Variants in TLCD4 observed in about 807,000 individuals in gnomAD.
The protein encoded by TLCD4 is TLC domain containing 4.
A neutral mutation model predicts 24.2 loss-of-function variants in TLCD4; 7 were observed. That is an observed-to-expected ratio of 0.29 (90% confidence interval 0.16 to 0.54). The LOEUF (loss-of-function observed/expected upper bound fraction) is 0.54. TLCD4 is among the 20% of genes least tolerant of loss of function. The pLI is 0.95. For missense variants in TLCD4, 259 were observed against 313.9 expected (o/e 0.82, Z 1.32); for synonymous variants, 103 against 106.4 (o/e 0.97, Z 0.20).
Position 95,192,064 on chromosome 1 carries a change from A to C in TLCD4, c.*196A>C. 7.7e-7 allele frequency: 1 copy of C among 1,292,838 alleles called. No homozygotes were observed. Among genetic ancestry groups the C allele is most frequent in the Non-Finnish European group, 1.0e-6 (1 of 992,334 alleles). The allele number at this position is 1,292,838 out of a possible 1,614,324, so 80.1% of individuals were successfully genotyped here. ...GTAATCCCAGCACTTTGGGAGGCCA[A>C]GGTGGGTCGATCACTGAGGTCAGGA... On this transcript the variant is annotated 3_prime_UTR_variant, in exon 7 of 7. Coordinates refer to ENST00000370203, the MANE Select transcript of TLCD4 (RefSeq NM_152487.3).
intron 6 of TLCD4, among the ~76,000 whole-genome samples, chr1:95,180,916 A>C (rs901984725): frequency 6.6e-6 from 1 of 152,096 alleles, no homozygotes; most frequent in Non-Finnish European, 1.5e-5. Flanking sequence ...ATAAAATACA[A>C]TTTTTTCTTT....
At chr1:95,173,936 T>A in intron 6 of TLCD4, 47 bp downstream of exon 6, 3 of 1,611,136 alleles carry the variant, frequency 1.9e-6, no homozygotes, top group Non-Finnish European at 2.5e-6. Flanking sequence ...GCTGTTTATT[T>A]TTAGTTTGGG....
At chr1:95,186,897 A>G (rs993415926) in intron 6 of TLCD4, among the ~76,000 whole-genome samples, 4 of 151,944 alleles carry the variant, frequency 2.6e-5, no homozygotes, top group Non-Finnish European at 4.4e-5. Context: ...ATCACTCAAT[A>G]AAATATTTTC....
Position 95,192,886 on chromosome 1 carries a change from T to C in TLCD4, c.*1018T>C, listed in dbSNP as rs41309183. ...GCTTAAGACAGATTATAGACCTCCTTAAGAGATGAGTTTCTTCTTCTAAAA... is the reference window on the plus strand; with the variant it reads ...GCTTAAGACAGATTATAGACCTCCTCAAGAGATGAGTTTCTTCTTCTAAAA... On this transcript the variant is annotated 3_prime_UTR_variant, in exon 7 of 7. Transcript: ENST00000370203. 1.3e-5 allele frequency: 2 copies of C among 152,220 alleles called. No individual in the cohort carries two copies. Among genetic ancestry groups the C allele is most frequent in the Non-Finnish European group, 2.9e-5 (2 of 68,022 alleles). The allele number at this position is 152,220 out of a possible 1,614,324, so 9.4% of individuals were successfully genotyped here. A position where few individuals can be genotyped will look rare whatever the true frequency, so the allele number is the denominator to read the frequency against.
At chr1:95,188,158 C>T (rs965236377) in intron 6 of TLCD4, among the ~76,000 whole-genome samples, 6 of 151,996 alleles carry the variant, frequency 3.9e-5, no homozygotes, top group Admixed American at 6.6e-5. Context: ...GAGGCCGAGG[C>T]GGGTGGATCA....
the TLCD4 span, among the ~76,000 whole-genome samples, chr1:95,103,715 G>A: frequency 6.6e-6 from 1 of 152,178 alleles, no homozygotes; most frequent in South Asian, 2.1e-4. Flanking sequence ...GTTGAAATTC[G>A]ACAGTGGTGT....
rs186446245 is a variant in TLCD4, at chr1:95,128,151, A to G, written c.-12+10534A>G. Among the ~76,000 whole-genome samples the G allele has an allele frequency of 5.0e-3, 766 of 152,310 alleles. 3 individuals carry two copies. Among genetic ancestry groups the G allele is most frequent in the Admixed American group, 8.6e-3 (132 of 15,300 alleles). ...GAGCAACATTTGTCACGTAAATCACATGTGTACTCTGAGGCATAAGGCCTA... is the reference window on the plus strand; with the variant it reads ...GAGCAACATTTGTCACGTAAATCACGTGTGTACTCTGAGGCATAAGGCCTA... On this transcript the variant is annotated intron_variant, in intron 1 of 6. Coordinates refer to ENST00000370203, the MANE Select transcript of TLCD4 (RefSeq NM_152487.3).
At chr1:95,159,060 C>G (rs1236406330) in intron 5 of TLCD4, among the ~76,000 whole-genome samples, 1 of 152,158 alleles carries the variant, frequency 6.6e-6, no homozygotes, top group Non-Finnish European at 1.5e-5. Flanking sequence ...ATTTCTACTT[C>G]TAGATCCTTG....
chr1:95,174,409 T>A (rs1195870848), intron 6 of TLCD4, among the ~76,000 whole-genome samples: 1 of 151,056 alleles, frequency 6.6e-6, no homozygotes, highest in Non-Finnish European at 1.5e-5. Context: ...GGGGCTCACG[T>A]CTATAAATCC....
chr1:95,168,854 C>A (rs1678112856), intron 5 of TLCD4, among the ~76,000 whole-genome samples: 2 of 152,158 alleles, frequency 1.3e-5, no homozygotes, highest in African/African-American at 4.8e-5. Context: ...GAATAAGGAA[C>A]AGGAAATGTA....
At chr1:95,146,019 G>A (rs972027907) in intron 2 of TLCD4, among the ~76,000 whole-genome samples, 5 of 152,090 alleles carry the variant, frequency 3.3e-5, no homozygotes, top group Non-Finnish European at 7.4e-5. Flanking sequence ...AGGACAAGGA[G>A]GCTGTATTTT....
At chr1:95,132,083 C>T in intron 1 of TLCD4, among the ~76,000 whole-genome samples, 1 of 152,264 alleles carries the variant, frequency 6.6e-6, no homozygotes, top group East Asian at 1.9e-4. Context: ...AAAGTTTTTG[C>T]TAGAAGCCAG....
chr1:95,098,126 G>A, the TLCD4 span, among the ~76,000 whole-genome samples: 7 of 152,032 alleles, frequency 4.6e-5, no homozygotes, highest in Non-Finnish European at 7.4e-5. Context: ...TCTCATTTAG[G>A]CCTCATAATA....
intron 5 of TLCD4, among the ~76,000 whole-genome samples, chr1:95,155,654 G>C (rs1051838953): frequency 6.6e-6 from 1 of 151,954 alleles, no homozygotes; most frequent in African/African-American, 2.4e-5. Flanking sequence ...GATTAAATGG[G>C]CCCAGAGTCA....
At chr1:95,152,268 G>T (rs1677514749) in intron 5 of TLCD4, among the ~76,000 whole-genome samples, 1 of 151,898 alleles carries the variant, frequency 6.6e-6, no homozygotes, top group Non-Finnish European at 1.5e-5. Context: ...CTATAAGAAG[G>T]TTTTTTTCTA....
intron 2 of TLCD4, among the ~76,000 whole-genome samples, chr1:95,147,317 G>A (rs530328604): frequency 2.0e-5 from 3 of 152,070 alleles, no homozygotes; most frequent in East Asian, 1.9e-4. Flanking sequence ...CAGGTGACCC[G>A]CCCACCTTGG....
In TLCD4 at chr1:95,191,553, G is replaced by A. The variant is rs1313263009; in HGVS notation, c.477G>A (p.Trp159Ter). 6.2e-7 allele frequency: 1 copy of A among 1,600,772 alleles called. No individual in the cohort carries two copies. Among genetic ancestry groups the A allele is most frequent in the South Asian group, 1.1e-5 (1 of 88,540 alleles). Reference protein sequence around the residue: ...ELSSPFVNQRWFFEALKYPKF... With the variant: ...ELSSPFVNQR ...GTTTCTTTAATTCATTTTTCAGGTGGTTCTTTGAAGCTCTGAAGTATCCCA... is the reference window on the plus strand; with the variant it reads ...GTTTCTTTAATTCATTTTTCAGGTGATTCTTTGAAGCTCTGAAGTATCCCA... Residue 159 changes from tryptophan to a stop codon, truncating the protein, a stop_gained, in exon 7 of 7, where the codon TGG becomes TGA. Coordinates refer to ENST00000370203, the MANE Select transcript of TLCD4 (RefSeq NM_152487.3). LOFTEE classifies it low-confidence loss of function (END_TRUNC).
the TLCD4 span, among the ~76,000 whole-genome samples, chr1:95,094,086 A>C: frequency 6.6e-6 from 1 of 152,198 alleles, no homozygotes; most frequent in Non-Finnish European, 1.5e-5. Flanking sequence ...CCTTGCTCTC[A>C]GTCTCTTGGA....
intron 5 of TLCD4, among the ~76,000 whole-genome samples, chr1:95,160,170 C>G (rs1037721836): frequency 6.6e-6 from 1 of 152,168 alleles, no homozygotes; most frequent in African/African-American, 2.4e-5. Context: ...TTTGTGTCCT[C>G]TTTTATTTCC....
Sources: gnomAD v4.1 joint callset for allele counts (sites outside exome capture counted in the v4.1 genomes callset) on GRCh38, gnomAD v4.1.1 for gene constraint, MANE v1.5 for transcripts, NCBI Gene and HGNC (gene_info 2026-07-23, HGNC 2026-07-21) for gene names.